The following SMPDL3A variants were observed in gnomAD, a reference collection of about 807,000 sequenced individuals.
The protein encoded by SMPDL3A is sphingomyelin phosphodiesterase acid like 3A, also known as cyclic GMP-AMP phosphodiesterase SMPDL3A.
A neutral mutation model predicts 38.5 loss-of-function variants in SMPDL3A; 39 were observed. The ratio of observed to expected loss-of-function variants is 1.01; its 90% CI spans 0.78 to 1.32. The LOEUF is 1.32. SMPDL3A is among the 40% of genes most tolerant of loss of function. SMPDL3A has a pLI of 0.00. For synonymous variants in SMPDL3A, 180 were observed against 194.3 expected (o/e 0.93, Z 0.61); for missense variants, 502 against 536.2 (o/e 0.94, Z 0.63).
intron 1 of SMPDL3A, among the ~76,000 whole-genome samples, chr6:122,792,529 G>A (rs1781109165): frequency 6.6e-6 from 1 of 152,044 alleles, no homozygotes. Context: ...TTTCAGGTTT[G>A]GGTTTACTGA....
At chr6:122,797,055 G>T (rs751670986) in intron 3 of SMPDL3A, 87 bp downstream of exon 3, 218 of 1,085,322 alleles carry the variant, frequency 2.0e-4, no homozygotes, top group Non-Finnish European at 2.8e-4. Flanking sequence ...TAGTGATAGG[G>T]CATGGGAATG....
intron 3 of SMPDL3A, among the ~76,000 whole-genome samples, chr6:122,798,403 G>A (rs55736549): frequency 0.014 from 2,173 of 152,232 alleles, 70 homozygotes; most frequent in African/African-American, 0.05. Context: ...AAACACAGGT[G>A]TTCATAGTCA....
chr6:122,802,061 TA>T (rs1457439928), intron 4 of SMPDL3A, among the ~76,000 whole-genome samples: 5 of 152,246 alleles, frequency 3.3e-5, no homozygotes, highest in Admixed American at 2.6e-4. Flanking sequence ...GTATTTTTGT[TA>T]ACCCTTTGGC....
At chr6:122,808,609 C>CCCTCCCTTCCTTCCTT (rs1781726574) in intron 7 of SMPDL3A, among the ~76,000 whole-genome samples, 2 of 44,370 alleles carry the variant, frequency 4.5e-5, no homozygotes, top group African/African-American at 1.8e-4. Flanking sequence ...CTCCCTCCCT[C>CCCTCCCTTCCTTCCTT]CCTTCCTTCC....
chr6:122,792,395 A>G (rs1375742833), intron 1 of SMPDL3A, among the ~76,000 whole-genome samples: 1 of 152,212 alleles, frequency 6.6e-6, no homozygotes, highest in Non-Finnish European at 1.5e-5. Flanking sequence ...GCCTTTGCCT[A>G]AATGTCATCA....
At chr6:122,803,972 T>C (rs1168072826) in intron 5 of SMPDL3A, 139 bp downstream of exon 5, 6 of 636,464 alleles carry the variant, frequency 9.4e-6, no homozygotes, top group Non-Finnish European at 1.6e-5. Context: ...TTACAACTCA[T>C]GGATTTTCTT....
rs34628286 is a variant in SMPDL3A at position 122,805,152 on chromosome 6, C to CT, written c.919+63_919+64insT. ...AGTCTAGAGCAAAGCGGTGAATATC[C>CT]AGTAAATTTGCTGATTTAGTAAATT... On this transcript the variant is annotated intron_variant, in intron 6 of 7. Transcript: ENST00000368440. The CT allele has an allele frequency of 7.4e-6, 10 of 1,346,044 alleles. No homozygotes were observed. The African/African-American group carries it at 1.5e-4, about 20-fold the overall frequency. 83.4% of individuals were successfully genotyped at this position (1,346,044 alleles called of 1,614,324 possible).
chr6:122,805,231 T>C, intron 6 of SMPDL3A, 142 bp downstream of exon 6: 1 of 657,854 alleles, frequency 1.5e-6, no homozygotes, highest in Non-Finnish European at 2.4e-6. Context: ...TTATCCTCAA[T>C]GGTTGTATGA....
intron 3 of SMPDL3A, among the ~76,000 whole-genome samples, chr6:122,799,961 C>CTTT (rs112956534): frequency 0.13 from 15,575 of 124,200 alleles, 1,310 homozygotes; most frequent in East Asian, 0.23. Context: ...TCAGTATTTA[C>CTTT]TTTTTTTTTT....
intron 7 of SMPDL3A, among the ~76,000 whole-genome samples, chr6:122,807,378 A>G (rs1222408600): frequency 1.3e-5 from 2 of 152,196 alleles, no homozygotes; most frequent in African/African-American, 2.4e-5. Context: ...GGGTGCCTGT[A>G]GTCCCAGCTA....
chr6:122,806,348 T>G lies in SMPDL3A; in HGVS notation c.1035T>G (p.Tyr345Ter), dbSNP rs1218802258. ...TGTTTCAGTATGATCCTCGTGATTA[T>G]AAATTATTGGTAAGTTGGCAGATTT... ...IRLFQYDPRD[Y>*]KLLDMLQYYL... The change falls in exon 7 of 8, where the codon TAT becomes TAG. Residue 345 changes from tyrosine to a stop codon, truncating the protein, a stop_gained. Coordinates refer to ENST00000368440, the MANE Select transcript of SMPDL3A (RefSeq NM_006714.5). LOFTEE classifies it low-confidence loss of function (END_TRUNC). 2.5e-6 allele frequency: 4 copies of G among 1,606,262 alleles called. No homozygotes were observed. In the South Asian group the frequency reaches 3.4e-5, roughly 13 times the overall value.
At position 122,805,102 on chromosome 6, in the gene SMPDL3A, T is replaced by G. The variant is rs1781565902; in HGVS notation, c.919+13T>G. ...TCAGATAAAAAAGGTAATGTAATGC[T>G]GTGTTTGCATCTCCCCAGTCTAAGA... On this transcript the variant is annotated intron_variant, in intron 6 of 7. Transcript: ENST00000368440. 1.3e-6 allele frequency: 2 copies of G among 1,583,956 alleles called. No individual in the cohort carries two copies. Among genetic ancestry groups the G allele is most frequent in the African/African-American group, 2.7e-5 (2 of 73,790 alleles).
chr6:122,789,393 A>G lies in SMPDL3A; in HGVS notation c.47A>G (p.His16Arg). The part of the protein sequence containing the change: ...ALVCCLLTAW[H>R]CRSGLGLPVA... The stretch of plus-strand genomic sequence containing the variant: ...GTCTGCTGCCTGCTGACTGCCTGGC[A>G]CTGCCGCTCCGGCCTCGGGCTGCCC... The change falls in exon 1 of 8, where the codon CAC becomes CGC. Residue 16 changes from histidine (H) to arginine (R), a missense_variant. By Grantham distance (29) the His-to-Arg change is conservative. Coordinates refer to ENST00000368440, the MANE Select transcript of SMPDL3A (RefSeq NM_006714.5). The G allele has an allele frequency of 6.5e-7, 1 of 1,549,290 alleles. No homozygotes were observed. Among genetic ancestry groups the G allele is most frequent in the Admixed American group, 2.0e-5 (1 of 50,966 alleles).
At chr6:122,800,587 TG>T (rs1159121480) in intron 3 of SMPDL3A, among the ~76,000 whole-genome samples, 5 of 152,258 alleles carry the variant, frequency 3.3e-5, no homozygotes, top group South Asian at 2.1e-4. Context: ...TGGAACTCTG[TG>T]CTTTTGCCTG....
chr6:122,795,945 A>C lies in SMPDL3A; in HGVS notation c.326+55A>C, dbSNP rs1027192964. The stretch of plus-strand genomic sequence containing the variant: ...CTCAATATTTATTTACAGTGTCCTA[A>C]GCTTCATAAGAGTGCTGAATTCCAT... On this transcript the variant is annotated intron_variant, in intron 2 of 7. Coordinates refer to ENST00000368440, the MANE Select transcript of SMPDL3A (RefSeq NM_006714.5). 4.2e-5 allele frequency: 54 copies of C among 1,297,654 alleles called. 4 individuals are homozygous for C. In the Admixed American group the frequency reaches 4.7e-4, roughly 11 times the overall value. The allele number at this position is 1,297,654 out of a possible 1,614,324, so 80.4% of individuals were successfully genotyped here. A position where few individuals can be genotyped will look rare whatever the true frequency, so the allele number is the denominator to read the frequency against.
At chr6:122,794,514 T>G (rs1781179958) in intron 1 of SMPDL3A, among the ~76,000 whole-genome samples, 1 of 152,114 alleles carries the variant, frequency 6.6e-6, no homozygotes, top group South Asian at 2.1e-4. Flanking sequence ...GAAGAATCGC[T>G]TGAACCCGGG....
chr6:122,795,187 G>A (rs770470344), intron 1 of SMPDL3A, among the ~76,000 whole-genome samples: 6 of 151,940 alleles, frequency 3.9e-5, no homozygotes, highest in Non-Finnish European at 8.8e-5. Context: ...TGTCGCCCAG[G>A]CTGGAGTACA....
chr6:122,791,645 AACAC>A (rs150055730), intron 1 of SMPDL3A, among the ~76,000 whole-genome samples: 5 of 152,150 alleles, frequency 3.3e-5, no homozygotes, highest in African/African-American at 9.7e-5. Context: ...AGATTTGCTG[AACAC>A]ACACACATAT....
At chr6:122,793,574 G>T (rs1356672077) in intron 1 of SMPDL3A, among the ~76,000 whole-genome samples, 1 of 152,114 alleles carries the variant, frequency 6.6e-6, no homozygotes, top group African/African-American at 2.4e-5. Flanking sequence ...AATAAAGATT[G>T]GGGTATTTTC....
Sources: allele counts gnomAD v4.1 joint callset (sites outside exome capture counted in the v4.1 genomes callset), GRCh38; gene constraint gnomAD v4.1.1; transcripts MANE v1.5; gene names NCBI Gene and HGNC (gene_info 2026-07-23, HGNC 2026-07-21).